FHIT: variants seen among roughly 807,000 people sequenced by gnomAD.
FHIT encodes bis(5'-adenosyl)-triphosphatase.
Under a neutral mutation model 17.9 loss-of-function variants are expected in FHIT, and 19 were observed. That is an observed-to-expected ratio of 1.06 (90% confidence interval 0.74 to 1.56). FHIT has a LOEUF of 1.56. Among genes scored for constraint, FHIT ranks in the 40% most tolerant of loss-of-function variants. The pLI is 0.00. For synonymous variants in FHIT, 81 were observed against 69.7 expected (o/e 1.16, Z -0.81); for missense variants, 248 against 189.2 (o/e 1.31, Z -1.82).
At chr3:60,820,614 A>T (rs1272461928) in intron 4 of FHIT, among the ~76,000 whole-genome samples, 1 of 152,194 alleles carries the variant, frequency 6.6e-6, no homozygotes, top group African/African-American at 2.4e-5. Context: ...ATTTTGCATA[A>T]ACCGTGGGTT....
intron 5 of FHIT, among the ~76,000 whole-genome samples, chr3:60,305,195 G>A (rs1708617066): frequency 6.6e-6 from 1 of 152,010 alleles, no homozygotes; most frequent in South Asian, 2.1e-4. Context: ...TCTAGGTCAG[G>A]CAGAGATGAA....
chr3:60,501,683 G>A (rs1013576866), intron 5 of FHIT, among the ~76,000 whole-genome samples: 2 of 152,078 alleles, frequency 1.3e-5, no homozygotes, highest in African/African-American at 2.4e-5. Context: ...GGTGATGCTC[G>A]GTCCTTTAGA....
chr3:59,803,065 A>C (rs1700062245), intron 8 of FHIT, among the ~76,000 whole-genome samples: 1 of 152,122 alleles, frequency 6.6e-6, no homozygotes, highest in Non-Finnish European at 1.5e-5. Flanking sequence ...GTGCATACAT[A>C]CCAGGCACGG....
rs538967172 is a variant in FHIT, at chr3:60,667,962, A to G, written c.-17-130983T>C. Among the ~76,000 whole-genome samples the G allele has an allele frequency of 5.3e-5, 8 of 152,054 alleles. No individual in the cohort carries two copies. In the South Asian group the frequency reaches 1.5e-3, roughly 28 times the overall value. The stretch of plus-strand genomic sequence containing the variant: ...TGGGCCTCAGGTATCTCTCAGTGGG[A>G]GAGGAATACGGTGGGGTCTGCCATC... On this transcript the variant is annotated intron_variant, in intron 4 of 9. Coordinates refer to ENST00000492590, the MANE Select transcript of FHIT (RefSeq NM_002012.4).
chr3:60,576,380 A>G (rs12495226), intron 4 of FHIT, among the ~76,000 whole-genome samples: 21,989 of 152,044 alleles, frequency 0.14, 2,167 homozygotes, highest in East Asian at 0.34. Flanking sequence ...CACCAAGGGT[A>G]TGGTGTCTGC....
At chr3:60,048,470 C>T (rs1327797333) in intron 5 of FHIT, among the ~76,000 whole-genome samples, 1 of 152,156 alleles carries the variant, frequency 6.6e-6, no homozygotes, top group African/African-American at 2.4e-5. Context: ...GTCTCTACGA[C>T]CGGCCTTAAG....
chr3:60,238,160 A>AT (rs1704910331), intron 5 of FHIT, among the ~76,000 whole-genome samples: 1 of 151,284 alleles, frequency 6.6e-6, no homozygotes, highest in Non-Finnish European at 1.5e-5. Flanking sequence ...AAAAAAAAAA[A>AT]AGAATTTGTG....
chr3:60,108,659 A>G (rs1180311128), intron 5 of FHIT, among the ~76,000 whole-genome samples: 1 of 131,352 alleles, frequency 7.6e-6, no homozygotes, highest in Non-Finnish European at 1.6e-5. Flanking sequence ...TGTCCCAGTT[A>G]CTTCTCTTTT....
intron 5 of FHIT, among the ~76,000 whole-genome samples, chr3:60,351,486 C>T (rs953812601): frequency 2.6e-5 from 4 of 152,096 alleles, no homozygotes; most frequent in African/African-American, 9.7e-5. Flanking sequence ...ATATATGCAA[C>T]AGAGGTAGTC....
At chr3:60,897,145 T>C (rs1367134035) in intron 3 of FHIT, among the ~76,000 whole-genome samples, 2 of 152,168 alleles carry the variant, frequency 1.3e-5, no homozygotes, top group African/African-American at 2.4e-5. Flanking sequence ...TCATCCTATT[T>C]TACAGCACAC....
At chr3:60,054,477 C>T (rs1702002976) in intron 5 of FHIT, among the ~76,000 whole-genome samples, 1 of 152,124 alleles carries the variant, frequency 6.6e-6, no homozygotes, top group Admixed American at 6.6e-5. Flanking sequence ...TGTACCACTC[C>T]CATCCCAACC....
At chr3:60,591,409 C>A in intron 4 of FHIT, among the ~76,000 whole-genome samples, 1 of 152,034 alleles carries the variant, frequency 6.6e-6, no homozygotes, top group East Asian at 1.9e-4. Flanking sequence ...TATTTTCCTT[C>A]CTTGGTGTTT....
chr3:60,647,168 G>T (rs540363891), intron 4 of FHIT, among the ~76,000 whole-genome samples: 1 of 152,304 alleles, frequency 6.6e-6, no homozygotes, highest in South Asian at 2.1e-4. Flanking sequence ...AGGCATGGGA[G>T]AGAGTCTACT....
At chr3:61,052,907 C>T (rs1356948277) in intron 2 of FHIT, among the ~76,000 whole-genome samples, 1 of 151,974 alleles carries the variant, frequency 6.6e-6, no homozygotes, top group Non-Finnish European at 1.5e-5. Context: ...AAAGATTCAT[C>T]AAGATATCAG....
intron 8 of FHIT, among the ~76,000 whole-genome samples, chr3:59,787,511 C>G (rs1008255564): frequency 2.0e-5 from 3 of 151,426 alleles, no homozygotes; most frequent in African/African-American, 4.9e-5. Flanking sequence ...CACACACACA[C>G]ACACACACAC....
At chr3:60,821,178 G>C (rs2106767026) in intron 4 of FHIT, among the ~76,000 whole-genome samples, 1 of 152,180 alleles carries the variant, frequency 6.6e-6, no homozygotes, top group Middle Eastern at 3.4e-3. Flanking sequence ...GTTTCACCAT[G>C]TTGGCCAGGC....
intron 5 of FHIT, among the ~76,000 whole-genome samples, chr3:60,147,332 A>C (rs952925218): frequency 6.6e-6 from 1 of 152,180 alleles, no homozygotes; most frequent in South Asian, 2.1e-4. Flanking sequence ...AAGAACTCTT[A>C]ATTCAAACTA....
intron 5 of FHIT, among the ~76,000 whole-genome samples, chr3:60,361,156 T>C (rs779392556): frequency 5.3e-5 from 8 of 152,192 alleles, no homozygotes; most frequent in Non-Finnish European, 1.2e-4. Flanking sequence ...GGCTATGTAT[T>C]GGAGGTGCAA....
At chr3:60,750,858 C>A (rs1575477995) in intron 4 of FHIT, among the ~76,000 whole-genome samples, 1 of 152,144 alleles carries the variant, frequency 6.6e-6, no homozygotes, top group African/African-American at 2.4e-5. Flanking sequence ...TGCCAGCCTG[C>A]AGAATTATTC....
Sources: allele counts gnomAD v4.1 joint callset (sites outside exome capture counted in the v4.1 genomes callset), GRCh38; gene constraint gnomAD v4.1.1; transcripts MANE v1.5; gene names NCBI Gene and HGNC (gene_info 2026-07-23, HGNC 2026-07-21).